The following CENPM variants were observed in gnomAD, a reference collection of about 807,000 sequenced individuals.
CENPM encodes the protein centromere protein M, also known as interphase centromere complex protein 39.
CENPM carries 14 observed loss-of-function variants against 19.6 expected under a neutral mutation model. The ratio of observed to expected loss-of-function variants is 0.71; its 90% CI spans 0.47 to 1.11. The LOEUF is 1.11. Ranked by LOEUF, CENPM falls within the 50% of genes most tolerant of loss-of-function variation. The probability of loss-of-function intolerance (pLI) is 0.00; values close to 1 mark genes in which losing one functional copy is unlikely to be tolerated. For synonymous variants in CENPM, 114 were observed against 101.5 expected, an observed-to-expected ratio of 1.12 and a Z score of -0.74; for missense variants, 239 against 228.4, an observed-to-expected ratio of 1.05 and a Z score of -0.30.
At chr22:41,940,585 C>A (rs556060979) in intron 5 of CENPM, among the ~76,000 whole-genome samples, 27 of 152,168 alleles carry the variant, frequency 1.8e-4, no homozygotes, top group African/African-American at 6.5e-4. Context: ...TGGGTTTCAC[C>A]ATGTTGGCCA....
At chr22:41,945,630 A>C (rs2077791479) in intron 3 of CENPM, among the ~76,000 whole-genome samples, 1 of 151,646 alleles carries the variant, frequency 6.6e-6, no homozygotes, top group Non-Finnish European at 1.5e-5. Context: ...TTTGTATTTT[A>C]GTAGAGACGG....
rs1211303309 is a variant in CENPM, at chr22:41,946,477, G to GCAT, written c.74_76dup (p.Asp25dup). ...CGAGTCCGCCAGCTGCTGCAGAAGA[G>GCAT]CATCCTCCGTGCCCACCAGCTGCGC... On this transcript the variant is annotated inframe_insertion, in exon 2 of 6. Coordinates refer to ENST00000215980, the MANE Select transcript of CENPM (RefSeq NM_024053.5). The GCAT allele has an allele frequency of 3.8e-5, 61 of 1,613,140 alleles. No individual in the cohort carries two copies. The highest frequency in any genetic ancestry group is 5.0e-5 in the Non-Finnish European group (59 of 1,179,990).
chr22:41,938,141 ATT>A (rs11440934), downstream of CENPM, among the ~76,000 whole-genome samples: 1 of 120,050 alleles, frequency 8.3e-6, no homozygotes, highest in Non-Finnish European at 1.7e-5. Context: ...CGCGCCCAGC[ATT>A]TTTTTTTTTT....
downstream of CENPM, among the ~76,000 whole-genome samples, chr22:41,936,319 A>G (rs1483031547): frequency 6.6e-6 from 1 of 152,190 alleles, no homozygotes; most frequent in African/African-American, 2.4e-5. Flanking sequence ...GGGAAACATC[A>G]TCTACCTCAC....
chr22:41,927,884 G>A, the CENPM span, among the ~76,000 whole-genome samples: 743 of 152,352 alleles, frequency 4.9e-3, 5 homozygotes, highest in African/African-American at 0.017. Context: ...GGGGAAGACA[G>A]CCTCGCAGCA....
At chr22:41,941,548 C>T (rs989470181) in intron 5 of CENPM, among the ~76,000 whole-genome samples, 9 of 152,340 alleles carry the variant, frequency 5.9e-5, no homozygotes, top group South Asian at 2.1e-4. Context: ...GAGCAAAGAT[C>T]GTGACTCCCC....
chr22:41,946,361 C>T (rs1014774494), intron 2 of CENPM, 56 bp downstream of exon 2: 26 of 1,465,838 alleles, frequency 1.8e-5, no homozygotes, highest in Non-Finnish European at 2.3e-5. Flanking sequence ...CAGCTAGGAC[C>T]GAATCCCTCT....
At chr22:41,943,504 C>G (rs1295279053) in intron 5 of CENPM, 106 bp downstream of exon 5, 4 of 954,450 alleles carry the variant, frequency 4.2e-6, no homozygotes, top group Admixed American at 4.8e-5. Flanking sequence ...CTGCCTCGCT[C>G]GGATACTAAG....
downstream of CENPM, among the ~76,000 whole-genome samples, chr22:41,935,026 T>C: frequency 6.6e-6 from 1 of 152,150 alleles, no homozygotes; most frequent in Non-Finnish European, 1.5e-5. Flanking sequence ...CTGCCTGCCA[T>C]TTAAGTGTGG....
chr22:41,941,870 T>C (rs1481538717), intron 5 of CENPM, among the ~76,000 whole-genome samples: 2 of 152,252 alleles, frequency 1.3e-5, no homozygotes, highest in African/African-American at 2.4e-5. Context: ...GCAGGCCTAA[T>C]GGCTGCTGCC....
chr22:41,933,013 C>T, the CENPM span, among the ~76,000 whole-genome samples: 1 of 152,098 alleles, frequency 6.6e-6, no homozygotes, highest in Non-Finnish European at 1.5e-5. Flanking sequence ...GAGAAAAAGT[C>T]AGAAGGGCAG....
chr22:41,946,058 A>C, intron 2 of CENPM, 53 bp from the exon 3 acceptor site: 2 of 1,468,074 alleles, frequency 1.4e-6, no homozygotes, highest in Non-Finnish European at 1.9e-6. Context: ...CCTCATAGCG[A>C]CCGTTTAAAT....
chr22:41,936,172 C>T (rs1473916219), downstream of CENPM, among the ~76,000 whole-genome samples: 1 of 152,150 alleles, frequency 6.6e-6, no homozygotes, highest in Non-Finnish European at 1.5e-5. Context: ...GCCTGGCCTC[C>T]AAACCTTTCT....
chr22:41,936,170 T>A (rs960264773), downstream of CENPM, among the ~76,000 whole-genome samples: 1 of 152,222 alleles, frequency 6.6e-6, no homozygotes, highest in Non-Finnish European at 1.5e-5. Flanking sequence ...GCGCCTGGCC[T>A]CCAAACCTTT....
the CENPM span, among the ~76,000 whole-genome samples, chr22:41,928,967 C>T: frequency 6.6e-6 from 1 of 152,100 alleles, no homozygotes; most frequent in Admixed American, 6.5e-5. This position sits in a 1 kb window ranked among gnomAD's most constrained non-coding sequence, Gnocchi z 4.0. Flanking sequence ...AGTCAGCCAG[C>T]CCTGACTGGT....
chr22:41,927,941 T>TGGA, the CENPM span, among the ~76,000 whole-genome samples: 13 of 152,206 alleles, frequency 8.5e-5, no homozygotes, highest in South Asian at 2.7e-3. Flanking sequence ...GAAGGCTTCA[T>TGGA]GGAGAGGGCG....
At chr22:41,944,590 A>T in intron 4 of CENPM, 1 of 877,610 alleles carries the variant, frequency 1.1e-6, no homozygotes, top group Non-Finnish European at 1.4e-6. Context: ...GGAATATGAA[A>T]ACAAAGCAAT....
chr22:41,930,027 T>C, the CENPM span, among the ~76,000 whole-genome samples: 3 of 135,196 alleles, frequency 2.2e-5, no homozygotes, highest in Non-Finnish European at 3.1e-5. Context: ...CACTGCAAGC[T>C]CCGCCTCCCA....
At chr22:41,929,538 G>A in the CENPM span, among the ~76,000 whole-genome samples, 2 of 152,190 alleles carry the variant, frequency 1.3e-5, no homozygotes, top group Non-Finnish European at 1.5e-5. Flanking sequence ...GCAGAGACTC[G>A]AGGAGACTGC....
Sources: allele counts gnomAD v4.1 joint callset (sites outside exome capture counted in the v4.1 genomes callset), GRCh38; gene constraint gnomAD v4.1.1; non-coding constraint Gnocchi (gnomAD v3.1); transcripts MANE v1.5; gene names NCBI Gene and HGNC (gene_info 2026-07-23, HGNC 2026-07-21).